Variants in LDB2 observed in about 807,000 individuals in gnomAD.
LDB2 encodes LIM domain binding 2.
In LDB2, 12 loss-of-function variants were observed where a neutral mutation model predicts 44.3. The ratio of observed to expected loss-of-function variants is 0.27; its 90% CI spans 0.17 to 0.44. The LOEUF is 0.44. LDB2 is among the 20% of genes least tolerant of loss of function. The probability of loss-of-function intolerance (pLI) is 1.00; values close to 1 mark genes in which losing one functional copy is unlikely to be tolerated. For synonymous variants in LDB2, 164 were observed against 174.8 expected, an observed-to-expected ratio of 0.94 and a Z score of 0.49; for missense variants, 344 against 473.5, an observed-to-expected ratio of 0.73 and a Z score of 2.54.
intron 2 of LDB2, among the ~76,000 whole-genome samples, chr4:16,745,469 C>G (rs111452295): frequency 2.7e-4 from 41 of 152,292 alleles, no homozygotes; most frequent in African/African-American, 9.1e-4. Flanking sequence ...CAAAGTTTAG[C>G]AAATTCACAA....
At chr4:16,806,659 C>T (rs1349858890) in intron 1 of LDB2, among the ~76,000 whole-genome samples, 1 of 152,138 alleles carries the variant, frequency 6.6e-6, no homozygotes, top group African/African-American at 2.4e-5. Flanking sequence ...TGATCTGAAT[C>T]CCAGATCTTC....
In LDB2 at chr4:16,503,092, G is replaced by C. The variant is rs771303956; in HGVS notation, c.892-219C>G. On this transcript the variant is annotated intron_variant, in intron 7 of 7. Coordinates refer to ENST00000304523, the MANE Select transcript of LDB2 (RefSeq NM_001290.5). The stretch of plus-strand genomic sequence containing the variant: ...ACAACCACGCGAGTTTATGTCCTTA[G>C]TGCGCAGCCTGACACTGGAGAACGA... 2.0e-6 allele frequency: 3 copies of C among 1,537,138 alleles called. No individual in the cohort carries two copies. The South Asian group carries it at 3.6e-5, about 18-fold the overall frequency.
chr4:16,888,938 C>A (rs561328948), intron 1 of LDB2, among the ~76,000 whole-genome samples: 1 of 152,014 alleles, frequency 6.6e-6, no homozygotes, highest in Admixed American at 6.6e-5. Context: ...GAGGTTGAAG[C>A]CTTTATGTTC....
intron 2 of LDB2, among the ~76,000 whole-genome samples, chr4:16,697,196 G>A (rs1221173829): frequency 1.3e-5 from 2 of 151,518 alleles, no homozygotes; most frequent in Non-Finnish European, 1.5e-5. Flanking sequence ...AGGCTGAGGC[G>A]GGCGGATCAC....
In LDB2 at chr4:16,893,180, C is replaced by T. The variant is rs529643647; in HGVS notation, c.132+5174G>A. 3.9e-4 allele frequency: 162 copies of T among 419,604 alleles called. 3 individuals carry two copies. In the South Asian group the frequency reaches 0.014, roughly 36 times the overall value. The allele number at this position is 419,604 out of a possible 1,614,324, so 26.0% of individuals were successfully genotyped here. Reference sequence around the variant, plus strand: ...ATTTAACATTTTCAAAATAGCTTTCCTTTCCACCACCCAGCCCCCTCCCCC... The same window carrying T: ...ATTTAACATTTTCAAAATAGCTTTCTTTTCCACCACCCAGCCCCCTCCCCC... On this transcript the variant is annotated intron_variant, in intron 1 of 7. Transcript: ENST00000304523.
At chr4:16,790,975 C>T (rs1775576701) in intron 1 of LDB2, among the ~76,000 whole-genome samples, 1 of 152,152 alleles carries the variant, frequency 6.6e-6, no homozygotes, top group African/African-American at 2.4e-5. Context: ...CCTTTCTTCA[C>T]ACCCTTTTTG....
intron 2 of LDB2, among the ~76,000 whole-genome samples, chr4:16,701,708 T>G (rs1357900441): frequency 2.0e-5 from 3 of 152,234 alleles, no homozygotes; most frequent in African/African-American, 7.2e-5. Flanking sequence ...GTGAGCTAGG[T>G]GCACGGCTTG....
At chr4:16,816,983 C>G (rs1047825660) in intron 1 of LDB2, among the ~76,000 whole-genome samples, 1 of 152,218 alleles carries the variant, frequency 6.6e-6, no homozygotes, top group East Asian at 1.9e-4. Flanking sequence ...TTGCACCCCC[C>G]ACCCTGTATT....
At position 16,634,257 on chromosome 4, in the gene LDB2, A is replaced by G. The variant is rs561947132; in HGVS notation, c.236-38382T>C. Among the ~76,000 whole-genome samples the G allele has an allele frequency of 1.5e-4, 23 of 150,690 alleles. 2 individuals are homozygous for G. In the South Asian group the frequency reaches 4.7e-3, roughly 31 times the overall value. ...GCAATGGCAACAAAAGCCAAAATTGACAAATGGGATCTAATTAAACTAAAG... is the reference window on the plus strand; with the variant it reads ...GCAATGGCAACAAAAGCCAAAATTGGCAAATGGGATCTAATTAAACTAAAG... On this transcript the variant is annotated intron_variant, in intron 2 of 7. Transcript: ENST00000304523.
intron 5 of LDB2, among the ~76,000 whole-genome samples, chr4:16,515,075 T>C (rs1372167632): frequency 6.6e-6 from 1 of 152,152 alleles, no homozygotes; most frequent in Non-Finnish European, 1.5e-5. Context: ...GAAAATGTGG[T>C]ACACATTCAC....
At chr4:16,514,036 C>T (rs765078305) in intron 5 of LDB2, among the ~76,000 whole-genome samples, 14 of 152,178 alleles carry the variant, frequency 9.2e-5, no homozygotes, top group African/African-American at 2.4e-4. Flanking sequence ...GAATGCTGAA[C>T]GGAGAGACAA....
chr4:16,786,344 A>G (rs1052753834), intron 1 of LDB2, among the ~76,000 whole-genome samples: 1 of 152,118 alleles, frequency 6.6e-6, no homozygotes, highest in African/African-American at 2.4e-5. Context: ...CTGTCTGTTT[A>G]TTTGTTTATT....
At chr4:16,503,382 T>C (rs1419149013) in intron 7 of LDB2, among the ~76,000 whole-genome samples, 2 of 152,302 alleles carry the variant, frequency 1.3e-5, no homozygotes, top group East Asian at 3.9e-4. Flanking sequence ...GTCCCAGGGA[T>C]GATATACATT....
chr4:16,703,962 A>G (rs1754050075), intron 2 of LDB2, among the ~76,000 whole-genome samples: 1 of 152,182 alleles, frequency 6.6e-6, no homozygotes, highest in Non-Finnish European at 1.5e-5. Context: ...TCCTTTAGGG[A>G]AAGATTTCTT....
In LDB2 at chr4:16,707,671, C is replaced by CT. The variant is rs1247666853; in HGVS notation, c.235+51486dup. On this transcript the variant is annotated intron_variant, in intron 2 of 7. Coordinates refer to ENST00000304523, the MANE Select transcript of LDB2 (RefSeq NM_001290.5). ...GGTTACTAAATTATTTTACACCTGT[C>CT]TTTTTTTTTTTCTTTTCCTCCCCAA... Among the ~76,000 whole-genome samples the CT allele has an allele frequency of 2.8e-3, 416 of 146,518 alleles. 2 individuals are homozygous for CT. The highest frequency in any genetic ancestry group is 6.8e-3 in the African/African-American group (275 of 40,166).
At chr4:16,662,206 C>T (rs1402318071) in intron 2 of LDB2, among the ~76,000 whole-genome samples, 2 of 152,136 alleles carry the variant, frequency 1.3e-5, no homozygotes, top group African/African-American at 4.8e-5. Flanking sequence ...TTCCTTCAGT[C>T]CCTACTCATC....
intron 2 of LDB2, among the ~76,000 whole-genome samples, chr4:16,752,882 G>GA (rs201089189): frequency 0.015 from 2,093 of 141,618 alleles, 43 homozygotes; most frequent in African/African-American, 0.043. Flanking sequence ...TCAATGGATG[G>GA]AAAAAAAAAA....
At chr4:16,649,340 C>A (rs1355397537) in intron 2 of LDB2, among the ~76,000 whole-genome samples, 8 of 152,102 alleles carry the variant, frequency 5.3e-5, no homozygotes, top group African/African-American at 1.9e-4. Context: ...AATTGCTCTA[C>A]TATATTGTAA....
intron 1 of LDB2, among the ~76,000 whole-genome samples, chr4:16,832,319 T>A (rs1784212721): frequency 6.6e-6 from 1 of 152,162 alleles, no homozygotes; most frequent in African/African-American, 2.4e-5. Context: ...ATTACTTGCC[T>A]AGCTTATAAT....
Sources: allele counts gnomAD v4.1 joint callset (sites outside exome capture counted in the v4.1 genomes callset), GRCh38; gene constraint gnomAD v4.1.1; transcripts MANE v1.5; gene names NCBI Gene and HGNC (gene_info 2026-07-23, HGNC 2026-07-21).